KLF15: variants seen among roughly 807,000 people sequenced by gnomAD.
The protein encoded by KLF15 is Krueppel-like factor 15.
In KLF15, 4 loss-of-function variants were observed where a neutral mutation model predicts 24.6. The ratio of observed to expected loss-of-function variants is 0.16; its 90% CI spans 0.08 to 0.37. The LOEUF is 0.37. KLF15 is among the 10% of genes least tolerant of loss of function. The probability of loss-of-function intolerance (pLI) is 1.00; values close to 1 mark genes in which losing one functional copy is unlikely to be tolerated. For synonymous variants in KLF15, 246 were observed against 236.3 expected (o/e 1.04, Z -0.37); for missense variants, 496 against 560.6 (o/e 0.88, Z 1.16).
At chr3:126,291,557 C>T in the KLF15 span, among the ~76,000 whole-genome samples, 6 of 152,366 alleles carry the variant, frequency 3.9e-5, no homozygotes, top group East Asian at 3.9e-4. Flanking sequence ...AAACTGCAAA[C>T]GAGTGTTCCT....
At chr3:126,340,432 G>T (rs2082471454), downstream of KLF15, among the ~76,000 whole-genome samples, 1 of 152,254 alleles carries the variant, frequency 6.6e-6, no homozygotes, top group African/African-American at 2.4e-5. Flanking sequence ...AGCGAAGGAG[G>T]CTGGGTGCCC....
rs748913227 is a variant in KLF15, at chr3:126,343,788, G to T, written c.1190C>A (p.Ser397Tyr). The T allele has an allele frequency of 1.2e-6, 2 of 1,612,092 alleles. No homozygotes were observed. The change falls in exon 3 of 3, where the codon TCC (serine) becomes TAC (tyrosine). Residue 397 changes from serine (S) to tyrosine (Y), a missense_variant. Physicochemically the swap from Ser to Tyr is moderately radical, Grantham distance 144. This residue lies in a region of KLF15 where 38 missense variants were observed against 31.5 expected (regional missense o/e 1.21). Transcript: ENST00000296233. ...GAAGCGGTGCACCTTGATGTGCTTGGAGAGGTGGTCGCTCCGCGCGAACTT... is the reference window on the plus strand; with the variant it reads ...GAAGCGGTGCACCTTGATGTGCTTGTAGAGGTGGTCGCTCCGCGCGAACTT... ...EKKFARSDHL[S>Y]KHIKVHRFPR...
chr3:126,311,720 A>C, the KLF15 span, among the ~76,000 whole-genome samples: 7 of 152,204 alleles, frequency 4.6e-5, no homozygotes, highest in African/African-American at 1.7e-4. Context: ...GTTCAAGGGC[A>C]CTGGACAAGG....
At chr3:126,298,566 T>A in the KLF15 span, among the ~76,000 whole-genome samples, 1 of 152,164 alleles carries the variant, frequency 6.6e-6, no homozygotes, top group Non-Finnish European at 1.5e-5. Flanking sequence ...ACAAGAGTTT[T>A]TCTGATGTCA....
rs185873087 is a variant in KLF15, at chr3:126,356,165, C to A, written c.-26+1072G>T. On this transcript the variant is annotated intron_variant, in intron 1 of 2. Coordinates refer to ENST00000296233, the MANE Select transcript of KLF15 (RefSeq NM_014079.4). The surrounding 1 kb of genome is among the most constrained non-coding windows in gnomAD (Gnocchi z 4.4). ...GTCAGCGTGCAAATCACGGGGGTGG[C>A]GGCGGGGGCTGTCCTTCAAAATAAG... Among the ~76,000 whole-genome samples the A allele has an allele frequency of 2.8e-4, 42 of 152,284 alleles. No individual in the cohort carries two copies. In the South Asian group the frequency reaches 8.7e-3, roughly 32 times the overall value.
chr3:126,357,327 C>G lies in KLF15; in HGVS notation c.-116G>C, dbSNP rs1213951603. 1 of 147,062 alleles carries G rather than the reference C, an allele frequency of 6.8e-6. No individual in the cohort carries two copies. Among genetic ancestry groups the G allele is most frequent in the African/African-American group, 2.4e-5 (1 of 40,838 alleles). The allele number at this position is 147,062 out of a possible 1,614,324, so 9.1% of individuals were successfully genotyped here. A position where few individuals can be genotyped will look rare whatever the true frequency, so the allele number is the denominator to read the frequency against. On this transcript the variant is annotated 5_prime_UTR_variant, in exon 1 of 3. Coordinates refer to ENST00000296233, the MANE Select transcript of KLF15 (RefSeq NM_014079.4). The stretch of plus-strand genomic sequence containing the variant: ...TGGGGGCGGCGGCTAGACTCTCGGT[C>G]CGGCGGCGGCCGGGGGCCGAGCCGC...
In KLF15 at chr3:126,343,618, C is replaced by A; in HGVS notation, c.*109G>T. 9.0e-7 allele frequency: 1 copy of A among 1,111,892 alleles called. No homozygotes were observed. The highest frequency in any genetic ancestry group is 1.5e-5 in the South Asian group (1 of 67,640). The allele number at this position is 1,111,892 out of a possible 1,614,324, so 68.9% of individuals were successfully genotyped here. A position where few individuals can be genotyped will look rare whatever the true frequency, so the allele number is the denominator to read the frequency against. ...CACCTCCCAGGCTTCAGAAGGTGGG[C>A]TGGTAACATTGCCATGTCCCTCTGG... On this transcript the variant is annotated 3_prime_UTR_variant, in exon 3 of 3. Transcript: ENST00000296233.
At chr3:126,338,201 CA>C (rs1366176731), downstream of KLF15, among the ~76,000 whole-genome samples, 1 of 152,192 alleles carries the variant, frequency 6.6e-6, no homozygotes. Context: ...TGGGAGAGGA[CA>C]GGGAGGGGCT....
At chr3:126,338,982 C>T (rs539119959), downstream of KLF15, among the ~76,000 whole-genome samples, 42 of 152,282 alleles carry the variant, frequency 2.8e-4, no homozygotes, top group South Asian at 6.2e-4. Context: ...GCCTGGGGAC[C>T]GGCTGCGATC....
chr3:126,306,947 G>A, the KLF15 span, among the ~76,000 whole-genome samples: 1 of 152,306 alleles, frequency 6.6e-6, no homozygotes, highest in Admixed American at 6.5e-5. Flanking sequence ...CTTCAGGCAA[G>A]TTTCTCCTCT....
the KLF15 span, among the ~76,000 whole-genome samples, chr3:126,334,279 C>T: frequency 6.0e-5 from 9 of 150,240 alleles, no homozygotes; most frequent in Admixed American, 4.0e-4. Flanking sequence ...CACTCAAAGC[C>T]GCTCAACTAC....
the KLF15 span, among the ~76,000 whole-genome samples, chr3:126,321,886 T>A: frequency 6.6e-6 from 1 of 152,154 alleles, no homozygotes; most frequent in South Asian, 2.1e-4. Context: ...GGTTTTAACA[T>A]AGAGTTTTAC....
Position 126,352,762 on chromosome 3 carries a change from C to T in KLF15, c.161G>A (p.Ser54Asn), listed in dbSNP as rs1489268332. Residue 54 changes from serine (S) to asparagine (N), a missense_variant, in exon 2 of 3, where the codon AGT (serine) becomes AAT (asparagine). By Grantham distance (46) the Ser-to-Asn change is conservative. This residue lies in a region of KLF15 where 399 missense variants were observed against 423.1 expected (regional missense o/e 0.94). Coordinates refer to ENST00000296233, the MANE Select transcript of KLF15 (RefSeq NM_014079.4). ...GGAGCAGAGGGCTTGAGAGTCGGGA[C>T]TGGAACAGGAGCAGGGGCTGGAGGC... ...SDASSPCSCS[S>N]PDSQALCSCY... 1 of 1,574,566 alleles carries T rather than the reference C, an allele frequency of 6.4e-7. No individual in the cohort carries two copies. Among genetic ancestry groups the T allele is most frequent in the Non-Finnish European group, 8.6e-7 (1 of 1,159,674 alleles).
chr3:126,324,017 C>T, the KLF15 span, among the ~76,000 whole-genome samples: 1 of 139,884 alleles, frequency 7.1e-6, no homozygotes, highest in Non-Finnish European at 1.5e-5. Flanking sequence ...GTAAATAGTC[C>T]TGCAATAAAC....
chr3:126,296,046 C>A, the KLF15 span, among the ~76,000 whole-genome samples: 1 of 152,208 alleles, frequency 6.6e-6, no homozygotes, highest in African/African-American at 2.4e-5. Context: ...GTACGTATCA[C>A]AATGGTCCTG....
chr3:126,316,521 T>TGGGGGGGGAGTACATGGGCCGGAGTA, the KLF15 span, among the ~76,000 whole-genome samples: 2 of 25,484 alleles, frequency 7.8e-5, no homozygotes, highest in Non-Finnish European at 1.5e-4. Context: ...TGAGCTGCAG[T>TGGGGGGGGAGTACATGGGCCGGAGTA]GGGGAGGGAG....
the KLF15 span, among the ~76,000 whole-genome samples, chr3:126,299,968 G>A: frequency 5.3e-5 from 8 of 152,024 alleles, no homozygotes; most frequent in African/African-American, 1.5e-4. Context: ...CTAGTTTGTC[G>A]TGTCAACCCA....
chr3:126,290,850 T>G, the KLF15 span: 4 of 152,202 alleles, frequency 2.6e-5, no homozygotes, highest in Admixed American at 6.5e-5. Context: ...TTTGACGGAG[T>G]TACTTCAAAA....
chr3:126,313,960 G>A, the KLF15 span, among the ~76,000 whole-genome samples: 3 of 152,252 alleles, frequency 2.0e-5, no homozygotes, highest in Non-Finnish European at 2.9e-5. Context: ...TTGGCACACA[G>A]CCAGGCTCAT....
Sources: allele counts gnomAD v4.1 joint callset (sites outside exome capture counted in the v4.1 genomes callset), GRCh38; gene constraint gnomAD v4.1.1; regional missense constraint gnomAD v4.1.1; non-coding constraint Gnocchi (gnomAD v3.1); transcripts MANE v1.5; gene names NCBI Gene and HGNC (gene_info 2026-07-23, HGNC 2026-07-21).